Variants in DHX37 observed in about 807,000 individuals in gnomAD.
DHX37 encodes the protein probable ATP-dependent RNA helicase DHX37.
A neutral mutation model predicts 134.3 loss-of-function variants in DHX37; 52 were observed. That is an observed-to-expected ratio of 0.39 (90% CI 0.31 to 0.49). The LOEUF (loss-of-function observed/expected upper bound fraction) is 0.49, where lower values mean the gene tolerates loss of function less well. Among genes scored for constraint, DHX37 ranks in the 20% least tolerant of loss-of-function variants. The pLI, the probability that DHX37 is intolerant of heterozygous loss-of-function variation, is 0.93. For missense variants in DHX37, 1,344 were observed against 1,580.8 expected, an observed-to-expected ratio of 0.85 and a Z score of 2.54; for synonymous variants, 634 against 670.7, an observed-to-expected ratio of 0.95 and a Z score of 0.85.
At chr12:124,964,278 C>T (rs1954332466) in intron 15 of DHX37, 116 bp downstream of exon 15, 17 of 1,496,986 alleles carry the variant, frequency 1.1e-5, no homozygotes, top group South Asian at 6.2e-5. Context: ...CACAGGGGCC[C>T]GGCAGGACAC....
Position 124,981,883 on chromosome 12 carries a change from G to A in DHX37, c.389+628C>T, listed in dbSNP as rs112717054. On this transcript the variant is annotated intron_variant, in intron 3 of 26. Coordinates refer to ENST00000308736, the MANE Select transcript of DHX37 (RefSeq NM_032656.4). ...TCACGCCTGTAATCCCAGCACTTTGGGAGGCCGAGGCGGGCAGATCACCCA... is the reference window on the plus strand; with the variant it reads ...TCACGCCTGTAATCCCAGCACTTTGAGAGGCCGAGGCGGGCAGATCACCCA... Among the ~76,000 whole-genome samples, 24 of 151,920 alleles carry A rather than the reference G, an allele frequency of 1.6e-4. 3 individuals carry two copies. The highest frequency in any genetic ancestry group is 5.5e-4 in the African/African-American group (23 of 41,516).
At chr12:124,970,875 G>C (rs543043319) in intron 8 of DHX37, among the ~76,000 whole-genome samples, 1 of 152,340 alleles carries the variant, frequency 6.6e-6, no homozygotes, top group East Asian at 1.9e-4. Flanking sequence ...GTGTCAGGCT[G>C]GGGCAGGGAG....
Position 124,964,939 on chromosome 12 carries a change from C to T in DHX37, c.1803G>A (p.Lys601=), listed in dbSNP as rs753587589. The change falls in exon 14 of 27, where the codon AAG becomes AAA. Residue 601 remains lysine, a synonymous_variant. Coordinates refer to ENST00000308736, the MANE Select transcript of DHX37 (RefSeq NM_032656.4). ...LPLYSLLAPE[K]QAQVFKPPPE... The stretch of plus-strand genomic sequence containing the variant: ...GGCCCAGCACGGTTACCTGTGCTTG[C>T]TTCTCTGGGGCCAGCAGAGAGTACA... The T allele has an allele frequency of 1.3e-6, 2 of 1,593,624 alleles. No individual in the cohort carries two copies. Among genetic ancestry groups the T allele is most frequent in the African/African-American group, 1.3e-5 (1 of 74,984 alleles).
chr12:124,982,602 G>C lies in DHX37; in HGVS notation c.298C>G (p.Leu100Val), dbSNP rs781422423. The change falls in exon 3 of 27, where the codon CTG becomes GTG. Residue 100 changes from leucine to valine, a missense_variant. This residue lies in a region of DHX37 where 319 missense variants were observed against 296.1 expected (regional missense o/e 1.08). Coordinates refer to ENST00000308736, the MANE Select transcript of DHX37 (RefSeq NM_032656.4). ...GCTTCGGAAGCCTGGACTTCACTCA[G>C]CTTCTGTAGCATCTCTGCTCGCTGG... is the stretch of plus-strand genomic sequence containing the variant. The part of the protein sequence containing the change: ...KSQRAEMLQK[L>V]SEVQASEAEM... 1 of 1,613,598 alleles carries C rather than the reference G, an allele frequency of 6.2e-7. No homozygotes were observed.
rs1161557213 is a variant in DHX37 at position 124,964,582 on chromosome 12, G to A, written c.1857C>T (p.Ala619=). 14 of 1,613,324 alleles carry A rather than the reference G, an allele frequency of 8.7e-6. No homozygotes were observed. Among genetic ancestry groups the A allele is most frequent in the Non-Finnish European group, 1.2e-5 (14 of 1,179,426 alleles). Residue 619 remains alanine, a synonymous_variant, in exon 15 of 27, where the codon GCC becomes GCT. Coordinates refer to ENST00000308736, the MANE Select transcript of DHX37 (RefSeq NM_032656.4). ...TAAGCGACGTCTCGGCCACATTGGTGGCCACAACACACAACCGAGTCCCCT... is the reference window on the plus strand; with the variant it reads ...TAAGCGACGTCTCGGCCACATTGGTAGCCACAACACACAACCGAGTCCCCT... ...PPEGTRLCVV[A]TNVAETSLTI...
chr12:124,985,983 A>G, intron 2 of DHX37, 113 bp downstream of exon 2: 1 of 1,380,228 alleles, frequency 7.2e-7, no homozygotes, highest in Non-Finnish European at 9.9e-7. Flanking sequence ...AATTTTCCTC[A>G]TTCCAGAAAG....
rs371875679 is a variant in DHX37, at chr12:124,988,935, C to A, written c.88G>T (p.Val30Leu). ...PSKGPPEPPP[V>L]QLELEDKDTL... ...GTCTTACCCTCCAGTTCCAGCTGCA[C>A]GGGGGGCGGCTCGGGGGGGCCCTTC... is the stretch of plus-strand genomic sequence containing the variant. The change falls in exon 1 of 27, where the codon GTG becomes TTG. Residue 30 changes from valine (V) to leucine (L), a missense_variant. By Grantham distance (32) the Val-to-Leu change is conservative (BLOSUM62 1). Coordinates refer to ENST00000308736, the MANE Select transcript of DHX37 (RefSeq NM_032656.4). The A allele has an allele frequency of 1.9e-5, 25 of 1,335,212 alleles. No homozygotes were observed. The African/African-American group carries it at 2.9e-4, about 15-fold the overall frequency. 82.7% of individuals were successfully genotyped at this position (1,335,212 alleles called of 1,614,324 possible).
chr12:124,956,831 C>T lies in DHX37; in HGVS notation c.2313G>A (p.Leu771=). Residue 771 remains leucine (L), a synonymous_variant, in exon 18 of 27, where the codon CTG becomes CTA. Transcript: ENST00000308736. ...CGGGGAATGTGGCCATTGTCCGGCC[C>T]AGCGCAGTGATGGGGCAGCTCAGCC... ...ENRLSCPITA[L]GRTMATFPVA... The T allele has an allele frequency of 5.6e-6, 9 of 1,609,596 alleles. No individual in the cohort carries two copies. Among genetic ancestry groups the T allele is most frequent in the Non-Finnish European group, 7.6e-6 (9 of 1,176,768 alleles).
At position 124,949,837 on chromosome 12, in the gene DHX37, C is replaced by A. The variant is rs574447578; in HGVS notation, c.3290+149G>T. The A allele has an allele frequency of 2.3e-6, 2 of 882,576 alleles. No individual in the cohort carries two copies. The highest frequency in any genetic ancestry group is 3.4e-6 in the Non-Finnish European group (2 of 582,586). 54.7% of individuals were successfully genotyped at this position (882,576 alleles called of 1,614,324 possible). On this transcript the variant is annotated intron_variant, in intron 25 of 26. Transcript: ENST00000308736. This position sits in a 1 kb window ranked among gnomAD's most constrained non-coding sequence, Gnocchi z 4.0. Reference sequence around the variant, plus strand: ...CCTCCCCGAGAGCCGCTGCACAGACCGTGGCTCTGCAGAGCCTTCAGACCT... The same window carrying A: ...CCTCCCCGAGAGCCGCTGCACAGACAGTGGCTCTGCAGAGCCTTCAGACCT...
chr12:124,964,618 C>T lies in DHX37; in HGVS notation c.1821G>A (p.Lys607=), dbSNP rs116578171. 102 of 1,607,308 alleles carry T rather than the reference C, an allele frequency of 6.3e-5. No homozygotes were observed. The East Asian group carries it at 8.0e-4, about 13-fold the overall frequency. ...ACAACCGAGTCCCCTCCGGTGGAGGCTTAAAGACCTAGGATTCGGGGAAGG... is the reference window on the plus strand; with the variant it reads ...ACAACCGAGTCCCCTCCGGTGGAGGTTTAAAGACCTAGGATTCGGGGAAGG... ...LAPEKQAQVF[K]PPPEGTRLCV... The change falls in exon 15 of 27, where the codon AAG becomes AAA. Residue 607 remains lysine (K), a synonymous_variant. Coordinates refer to ENST00000308736, the MANE Select transcript of DHX37 (RefSeq NM_032656.4).
intron 13 of DHX37, 38 bp from the exon 14 acceptor site, chr12:124,965,044 G>A (rs1373185651): frequency 2.5e-6 from 4 of 1,570,994 alleles, no homozygotes; most frequent in Admixed American, 3.9e-5. Context: ...CCCAGGCCGG[G>A]ACAGATGCCC....
chr12:124,975,333 G>A, intron 6 of DHX37, 86 bp downstream of exon 6: 1 of 1,372,940 alleles, frequency 7.3e-7, no homozygotes. Flanking sequence ...CGGCACAGAT[G>A]CTGCTCACCT....
At chr12:124,981,221 TC>T (rs1954752640) in intron 3 of DHX37, among the ~76,000 whole-genome samples, 1 of 151,920 alleles carries the variant, frequency 6.6e-6, no homozygotes, top group African/African-American at 2.4e-5. Context: ...CACTGCTCTA[TC>T]CCCAGGGCCT....
intron 5 of DHX37, among the ~76,000 whole-genome samples, chr12:124,977,088 G>T (rs992051154): frequency 2.0e-5 from 3 of 151,162 alleles, no homozygotes; most frequent in African/African-American, 7.3e-5. Context: ...TAAGCACATA[G>T]CTCTACGTGC....
intron 18 of DHX37, 117 bp downstream of exon 18, chr12:124,956,574 T>C: frequency 1.5e-6 from 2 of 1,307,952 alleles, no homozygotes; most frequent in Admixed American, 2.7e-5. Context: ...CTGCAACCTC[T>C]ACCTCCTGGG....
intron 16 of DHX37, 70 bp downstream of exon 16, chr12:124,960,242 C>A: frequency 6.4e-7 from 1 of 1,563,182 alleles, no homozygotes; most frequent in Non-Finnish European, 8.7e-7. Context: ...CAGCTCTGGG[C>A]TCCCTGCCTC....
chr12:124,947,724 T>C lies in DHX37; in HGVS notation c.*78A>G. On this transcript the variant is annotated 3_prime_UTR_variant, in exon 27 of 27. Coordinates refer to ENST00000308736, the MANE Select transcript of DHX37 (RefSeq NM_032656.4). ...AGGCCACGAAGCCCATGCCAGGTGG[T>C]CACGGTCGCACGGTGACAGGCTGCT... is the stretch of plus-strand genomic sequence containing the variant. 3 of 1,479,048 alleles carry C rather than the reference T, an allele frequency of 2.0e-6. No homozygotes were observed. The highest frequency in any genetic ancestry group is 1.8e-6 in the Non-Finnish European group (2 of 1,113,996). The allele number at this position is 1,479,048 out of a possible 1,614,324, so 91.6% of individuals were successfully genotyped here. A position where few individuals can be genotyped will look rare whatever the true frequency, so the allele number is the denominator to read the frequency against.
At chr12:124,988,185 T>C (rs1954910786) in intron 1 of DHX37, among the ~76,000 whole-genome samples, 2 of 151,766 alleles carry the variant, frequency 1.3e-5, no homozygotes, top group African/African-American at 4.8e-5. Context: ...ATGGCTGCCC[T>C]CTCCCGTAGA....
At position 124,977,439 on chromosome 12, in the gene DHX37, C is replaced by T. The variant is rs2135963004; in HGVS notation, c.790G>A (p.Ala264Thr). The stretch of plus-strand genomic sequence containing the variant: ...ATGACGATGGGGTGCTCGGCCACAG[C>T]CTCCATGATTACTTGTTCTTCGGAG... ...ILSEEQVIME[A>T]VAEHPIVIVC... The change falls in exon 5 of 27, where the codon GCT becomes ACT. Residue 264 changes from alanine to threonine, a missense_variant. By Grantham distance (58) the Ala-to-Thr change is moderately conservative. Coordinates refer to ENST00000308736, the MANE Select transcript of DHX37 (RefSeq NM_032656.4). 1.2e-6 allele frequency: 2 copies of T among 1,612,026 alleles called. No individual in the cohort carries two copies. Among genetic ancestry groups the T allele is most frequent in the Non-Finnish European group, 1.7e-6 (2 of 1,179,304 alleles).
Sources: gnomAD v4.1 joint callset for allele counts (sites outside exome capture counted in the v4.1 genomes callset) on GRCh38, gnomAD v4.1.1 for gene constraint, gnomAD v4.1.1 regional missense constraint, Gnocchi (gnomAD v3.1) non-coding constraint, MANE v1.5 for transcripts, NCBI Gene and HGNC (gene_info 2026-07-23, HGNC 2026-07-21) for gene names.